Variants in KATNIP observed in about 807,000 individuals in gnomAD.
KATNIP encodes the protein katanin interacting protein.
Under a neutral mutation model 174.0 loss-of-function variants are expected in KATNIP, and 126 were observed. The observed-to-expected ratio is 0.72, with a 90% CI of 0.63 to 0.84. The LOEUF (loss-of-function observed/expected upper bound fraction) is 0.84. Among genes scored for constraint, KATNIP ranks in the 40% least tolerant of loss-of-function variants. The probability of loss-of-function intolerance (pLI) is 0.00; values close to 1 mark genes in which losing one functional copy is unlikely to be tolerated. For missense variants in KATNIP, 1,958 were observed against 2,109.7 expected, an observed-to-expected ratio of 0.93 and a Z score of 1.41; for synonymous variants, 810 against 835.7, an observed-to-expected ratio of 0.97 and a Z score of 0.53.
chr16:27,726,877 G>A (rs1223692175), intron 14 of KATNIP, among the ~76,000 whole-genome samples: 1 of 152,226 alleles, frequency 6.6e-6, no homozygotes, highest in Non-Finnish European at 1.5e-5. Context: ...TGGGGAACAA[G>A]GAGTGTCATG....
intron 6 of KATNIP, among the ~76,000 whole-genome samples, chr16:27,677,466 C>A (rs1225652982): frequency 1.3e-5 from 2 of 151,834 alleles, no homozygotes; most frequent in Non-Finnish European, 2.9e-5. Context: ...ATGTGCACTC[C>A]CCCCCACCCC....
At chr16:27,700,628 C>T (rs773827984) in intron 10 of KATNIP, among the ~76,000 whole-genome samples, 8 of 152,090 alleles carry the variant, frequency 5.3e-5, no homozygotes, top group Non-Finnish European at 1.2e-4. Context: ...CCTGCCTGTT[C>T]GGAAGGCACC....
intron 6 of KATNIP, among the ~76,000 whole-genome samples, chr16:27,650,827 T>C (rs2077099740): frequency 6.6e-6 from 1 of 152,248 alleles, no homozygotes; most frequent in South Asian, 2.1e-4. Context: ...CCAATGACTT[T>C]GTTTCTCTGC....
At chr16:27,739,724 A>C (rs183189810) in intron 14 of KATNIP, among the ~76,000 whole-genome samples, 78 of 152,322 alleles carry the variant, frequency 5.1e-4, no homozygotes, top group Non-Finnish European at 9.6e-4. Flanking sequence ...TGTGAAGTCC[A>C]AGTTAAAGTA....
chr16:27,713,813 T>C (rs868479884), intron 13 of KATNIP, among the ~76,000 whole-genome samples: 46 of 20,706 alleles, frequency 2.2e-3, no homozygotes, highest in African/African-American at 3.4e-3. Context: ...TATATACATA[T>C]ATATATATAT....
intron 2 of KATNIP, among the ~76,000 whole-genome samples, chr16:27,615,271 G>GGCAT (rs1485244702): frequency 6.6e-6 from 1 of 150,390 alleles, no homozygotes; most frequent in Non-Finnish European, 1.5e-5. Context: ...TGGGAATACA[G>GGCAT]GCATGCACCA....
chr16:27,618,119 A>G (rs886127641), intron 2 of KATNIP, among the ~76,000 whole-genome samples: 1 of 152,196 alleles, frequency 6.6e-6, no homozygotes, highest in Non-Finnish European at 1.5e-5. Flanking sequence ...TTGAGAAAAC[A>G]GTAGAGCCCA....
At chr16:27,620,733 C>T (rs1484137963) in intron 3 of KATNIP, among the ~76,000 whole-genome samples, 2 of 151,682 alleles carry the variant, frequency 1.3e-5, no homozygotes, top group Non-Finnish European at 2.9e-5. Flanking sequence ...GTCTGTAACC[C>T]GAGAAGGGGG....
intron 15 of KATNIP, 38 bp from the exon 16 acceptor site, chr16:27,749,546 C>T (rs773361728): frequency 5.3e-6 from 8 of 1,514,530 alleles, no homozygotes; most frequent in Middle Eastern, 2.1e-4. Context: ...ACACATGCCA[C>T]TCACAGGGCT....
chr16:27,680,732 GC>G (rs2078303827), intron 7 of KATNIP, among the ~76,000 whole-genome samples: 1 of 152,096 alleles, frequency 6.6e-6, no homozygotes, highest in South Asian at 2.1e-4. Flanking sequence ...GTCTTGCTCT[GC>G]CCCCCAGGCT....
At chr16:27,608,355 C>T (rs1402094291) in intron 2 of KATNIP, among the ~76,000 whole-genome samples, 1 of 149,544 alleles carries the variant, frequency 6.7e-6, no homozygotes, top group Non-Finnish European at 1.5e-5. Context: ...CTCAGCCTCC[C>T]AAGTAGCTGG....
intron 2 of KATNIP, among the ~76,000 whole-genome samples, chr16:27,601,524 C>T (rs965522459): frequency 2.0e-5 from 3 of 152,090 alleles, no homozygotes; most frequent in Non-Finnish European, 2.9e-5. Flanking sequence ...AGGTATTTCC[C>T]AGGCTGACCT....
intron 6 of KATNIP, among the ~76,000 whole-genome samples, chr16:27,671,287 T>G (rs2142658593): frequency 6.6e-6 from 1 of 152,364 alleles, no homozygotes; most frequent in Non-Finnish European, 1.5e-5. Context: ...TTAACAATGA[T>G]TTTAAAAATT....
At chr16:27,741,912 A>G (rs1392640654) in intron 15 of KATNIP, among the ~76,000 whole-genome samples, 2 of 152,136 alleles carry the variant, frequency 1.3e-5, no homozygotes, top group Non-Finnish European at 2.9e-5. Context: ...AAAAAAAAAT[A>G]ATGAATGCAA....
chr16:27,611,331 G>C (rs1047892840), intron 2 of KATNIP, among the ~76,000 whole-genome samples: 1 of 152,088 alleles, frequency 6.6e-6, no homozygotes, highest in African/African-American at 2.4e-5. Context: ...ATTTTTTCAG[G>C]GTTCTCACAC....
At chr16:27,758,396 AT>A (rs1375190898) in intron 18 of KATNIP, among the ~76,000 whole-genome samples, 1 of 151,948 alleles carries the variant, frequency 6.6e-6, no homozygotes, top group Non-Finnish European at 1.5e-5. Context: ...CCCTATTTTC[AT>A]TGCCACCAGC....
chr16:27,593,300 G>A (rs772983974), intron 2 of KATNIP, among the ~76,000 whole-genome samples: 4 of 139,110 alleles, frequency 2.9e-5, no homozygotes, highest in East Asian at 2.1e-4. Flanking sequence ...GCGCAATGGC[G>A]CAATCTCAGC....
Position 27,777,822 on chromosome 16 carries a change from A to G in KATNIP, c.4712+52A>G. 1 of 1,613,276 alleles carries G rather than the reference A, an allele frequency of 6.2e-7. No homozygotes were observed. Among genetic ancestry groups the G allele is most frequent in the Non-Finnish European group, 8.5e-7 (1 of 1,179,302 alleles). ...TCCCCACCAGCCCTAAGGAGGATGG[A>G]TGGCTGGGACACACGGCCAGGAGCC... On this transcript the variant is annotated intron_variant, in intron 26 of 27. Coordinates refer to ENST00000261588, the MANE Select transcript of KATNIP (RefSeq NM_015202.5). This position sits in a 1 kb window ranked among gnomAD's most constrained non-coding sequence, Gnocchi z 4.4.
At chr16:27,623,569 C>G (rs1332534763) in intron 3 of KATNIP, among the ~76,000 whole-genome samples, 1 of 152,188 alleles carries the variant, frequency 6.6e-6, no homozygotes, top group Non-Finnish European at 1.5e-5. Flanking sequence ...AAGCGATCCT[C>G]TTGCCTCAGA....
Sources: gnomAD v4.1 joint callset for allele counts (sites outside exome capture counted in the v4.1 genomes callset) on GRCh38, gnomAD v4.1.1 for gene constraint, Gnocchi (gnomAD v3.1) non-coding constraint, MANE v1.5 for transcripts, NCBI Gene and HGNC (gene_info 2026-07-23, HGNC 2026-07-21) for gene names.